The following CAMK2B variants were observed in gnomAD, a reference collection of about 807,000 sequenced individuals.
CAMK2B encodes the protein calcium/calmodulin-dependent protein kinase type II subunit beta.
A neutral mutation model predicts 93.7 loss-of-function variants in CAMK2B; 27 were observed. That is an observed-to-expected ratio of 0.29 (90% CI 0.21 to 0.40). CAMK2B has a LOEUF of 0.40. Ranked by LOEUF, CAMK2B falls within the 10% of genes least tolerant of loss-of-function variation. The pLI is 1.00. For synonymous variants in CAMK2B, 374 were observed against 358.8 expected (o/e 1.04, Z -0.48); for missense variants, 568 against 895.8 (o/e 0.63, Z 4.67).
intron 1 of CAMK2B, among the ~76,000 whole-genome samples, chr7:44,310,859 G>A (rs1280863808): frequency 6.6e-6 from 1 of 152,168 alleles, no homozygotes; most frequent in East Asian, 1.9e-4. Flanking sequence ...TCTGGAGATG[G>A]ATGATGGTAA....
chr7:44,239,744 A>G, intron 12 of CAMK2B, 81 bp from the exon 13 acceptor site: 1 of 973,646 alleles, frequency 1.0e-6, no homozygotes, highest in Non-Finnish European at 1.6e-6. Flanking sequence ...AGGGAAGAAA[A>G]GAGACAAAGG....
chr7:44,234,049 A>G (rs148153524), intron 15 of CAMK2B, among the ~76,000 whole-genome samples: 15 of 152,238 alleles, frequency 9.9e-5, no homozygotes, highest in Admixed American at 3.3e-4. Flanking sequence ...GGGAGAGGGT[A>G]TCTTCTGCCT....
chr7:44,288,566 T>C (rs1785778985), intron 1 of CAMK2B, among the ~76,000 whole-genome samples: 1 of 152,192 alleles, frequency 6.6e-6, no homozygotes, highest in Admixed American at 6.5e-5. Flanking sequence ...CGATTTTGAA[T>C]AACCTGTTCA....
At chr7:44,254,415 G>T (rs2096812666) in intron 5 of CAMK2B, 127 bp downstream of exon 5, 2 of 723,346 alleles carry the variant, frequency 2.8e-6, no homozygotes, top group African/African-American at 1.7e-5. Context: ...CCATCGCTCT[G>T]GGGTGTGGGT....
At position 44,284,243 on chromosome 7, in the gene CAMK2B, G is replaced by A. The variant is rs1321513512; in HGVS notation, c.66-18C>T. ...AAGCCCCCCTGGGGAGGAAAATGGG[G>A]GAGCGAGAGACAGAGACAGAGACAG... On this transcript the variant is annotated intron_variant, in intron 1 of 23. Coordinates refer to ENST00000395749, the MANE Select transcript of CAMK2B (RefSeq NM_001220.5). 1.9e-6 allele frequency: 3 copies of A among 1,554,370 alleles called. No homozygotes were observed. The South Asian group carries it at 3.4e-5, about 17-fold the overall frequency.
In CAMK2B at chr7:44,225,981, C is replaced by T; in HGVS notation, c.1597+535G>A. ...GGCCGGGGAGGCTGCCCAGCCTGTG[C>T]TTCCTGTCCCGCCCGCTCTGTTTCA... On this transcript the variant is annotated intron_variant, in intron 20 of 23. Coordinates refer to ENST00000395749, the MANE Select transcript of CAMK2B (RefSeq NM_001220.5). This position sits in a 1 kb window ranked among gnomAD's most constrained non-coding sequence, Gnocchi z 5.0. The T allele has an allele frequency of 8.5e-7, 1 of 1,183,060 alleles. No homozygotes were observed. The highest frequency in any genetic ancestry group is 1.1e-6 in the Non-Finnish European group (1 of 910,314). The allele number at this position is 1,183,060 out of a possible 1,614,324, so 73.3% of individuals were successfully genotyped here.
At chr7:44,246,712 A>G (rs2096734183) in intron 6 of CAMK2B, among the ~76,000 whole-genome samples, 1 of 152,186 alleles carries the variant, frequency 6.6e-6, no homozygotes, top group African/African-American at 2.4e-5. Flanking sequence ...AGATGCACAC[A>G]CAAGCATGTA....
At chr7:44,268,399 G>A (rs2096939520) in intron 2 of CAMK2B, among the ~76,000 whole-genome samples, 1 of 152,212 alleles carries the variant, frequency 6.6e-6, no homozygotes, top group Non-Finnish European at 1.5e-5. Context: ...ACATCACAGA[G>A]GAAGGGGAGA....
chr7:44,281,386 C>T (rs1407063358), intron 2 of CAMK2B, among the ~76,000 whole-genome samples: 5 of 152,206 alleles, frequency 3.3e-5, no homozygotes, highest in Admixed American at 6.5e-5. Flanking sequence ...TGATCATCCC[C>T]GTGCCTGGGC....
In CAMK2B at chr7:44,248,186, C is replaced by T. The variant is rs80178533; in HGVS notation, c.342-994G>A. ...CTGTGTGTGCACAGCACTGAGCACA[C>T]GGAGCTTCCCCTTCAACCCTTCCTC... is the stretch of plus-strand genomic sequence containing the variant. On this transcript the variant is annotated intron_variant, in intron 5 of 23. Transcript: ENST00000395749. This position sits in a 1 kb window ranked among gnomAD's most constrained non-coding sequence, Gnocchi z 4.1. 0.029 allele frequency among the ~76,000 whole-genome samples: 4,425 copies of T among 152,266 alleles called. 88 individuals carry two copies. Among genetic ancestry groups the T allele is most frequent in the African/African-American group, 0.063 (2,617 of 41,546 alleles).
rs375664947 is a variant in CAMK2B at position 44,229,488 on chromosome 7, G to A, written c.1239C>T (p.Pro413=). 287 of 1,429,018 alleles carry A rather than the reference G, an allele frequency of 2.0e-4. 1 individual carries two copies. The highest frequency in any genetic ancestry group is 6.6e-4 in the South Asian group (44 of 66,258). 88.5% of individuals were successfully genotyped at this position (1,429,018 alleles called of 1,614,324 possible). A position where few individuals can be genotyped will look rare whatever the true frequency, so the allele number is the denominator to read the frequency against. ...CCCTCCTCACTGAGCTCAGGATGTCGGGGACCCTGGGGGCTGAGGCGGAAC... is the reference window on the plus strand; with the variant it reads ...CCCTCCTCACTGAGCTCAGGATGTCAGGGACCCTGGGGGCTGAGGCGGAAC... ...EDEDAKAPRV[P]DILSSVRRGS... is the part of the protein sequence containing the mutation. Residue 413 remains proline, a synonymous_variant, in exon 18 of 24, where the codon CCC becomes CCT. Transcript: ENST00000395749.
intron 1 of CAMK2B, among the ~76,000 whole-genome samples, chr7:44,306,698 G>A (rs1791617570): frequency 6.6e-6 from 1 of 152,222 alleles, no homozygotes; most frequent in South Asian, 2.1e-4. Flanking sequence ...CACTCAATCT[G>A]GCCATGCTGA....
At chr7:44,221,499 C>T (rs1250957702) in intron 20 of CAMK2B, among the ~76,000 whole-genome samples, 2 of 149,890 alleles carry the variant, frequency 1.3e-5, no homozygotes, top group African/African-American at 2.5e-5. Flanking sequence ...CGGCCACGTG[C>T]GGCGCAGGCT....
intron 1 of CAMK2B, among the ~76,000 whole-genome samples, chr7:44,290,274 G>C (rs1038884621): frequency 6.6e-6 from 1 of 152,196 alleles, no homozygotes; most frequent in African/African-American, 2.4e-5. Flanking sequence ...TTTGTAAATC[G>C]AAATTTCCCA....
At chr7:44,235,580 A>AAG (rs1005819594) in intron 13 of CAMK2B, among the ~76,000 whole-genome samples, 1 of 152,138 alleles carries the variant, frequency 6.6e-6, no homozygotes, top group Non-Finnish European at 1.5e-5. Context: ...GTGAGGAAGG[A>AAG]AGAGAGAGAG....
At chr7:44,281,954 T>A (rs2097105475) in intron 2 of CAMK2B, among the ~76,000 whole-genome samples, 1 of 152,182 alleles carries the variant, frequency 6.6e-6, no homozygotes, top group Non-Finnish European at 1.5e-5. Flanking sequence ...GGACCTCTCA[T>A]TCTCCCAGCT....
chr7:44,219,369 T>G lies in CAMK2B; in HGVS notation c.*156A>C, dbSNP rs1243272560. The G allele has an allele frequency of 4.7e-5, 7 of 148,708 alleles. No homozygotes were observed. Among genetic ancestry groups the G allele is most frequent in the South Asian group, 2.1e-4 (1 of 4,656 alleles). 9.2% of individuals were successfully genotyped at this position (148,708 alleles called of 1,614,324 possible). ...GTTTTTTTTTTTTTTTTTTTTGTTT[T>G]TTTTTAACAAATCACATCTGGTCTT... is the stretch of plus-strand genomic sequence containing the variant. On this transcript the variant is annotated 3_prime_UTR_variant, in exon 24 of 24. Transcript: ENST00000395749.
rs377404091 is a variant in CAMK2B, at chr7:44,242,344, C to T, written c.697-4G>A. ...TGTCCCACTCAGGGGACGGGAACTG[C>T]AGAAGGAAACAGCGCCCCGGCCGGG... On this transcript the variant is annotated splice_region_variant and splice_polypyrimidine_tract_variant and intron_variant, in intron 9 of 23. Transcript: ENST00000395749. 10 of 1,611,944 alleles carry T rather than the reference C, an allele frequency of 6.2e-6. No individual in the cohort carries two copies. The African/African-American group carries it at 1.3e-4, about 22-fold the overall frequency.
chr7:44,241,635 C>T, intron 11 of CAMK2B, 65 bp downstream of exon 11: 2 of 1,347,704 alleles, frequency 1.5e-6, no homozygotes, highest in South Asian at 2.4e-5. Context: ...CAAGGCCCCC[C>T]TGCTCCAGCC....
Sources: allele counts gnomAD v4.1 joint callset (sites outside exome capture counted in the v4.1 genomes callset), GRCh38; gene constraint gnomAD v4.1.1; non-coding constraint Gnocchi (gnomAD v3.1); transcripts MANE v1.5; gene names NCBI Gene and HGNC (gene_info 2026-07-23, HGNC 2026-07-21).